USP34: variants seen among roughly 807,000 people sequenced by gnomAD.
The protein encoded by USP34 is ubiquitin specific peptidase 34.
USP34 carries 70 observed loss-of-function variants against 460.3 expected under a neutral mutation model. The ratio of observed to expected loss-of-function variants is 0.15; its 90% CI spans 0.13 to 0.19. The LOEUF is 0.19. Among genes scored for constraint, USP34 ranks in the 10% least tolerant of loss-of-function variants. The probability of loss-of-function intolerance (pLI) is 1.00; values close to 1 mark genes in which losing one functional copy is unlikely to be tolerated. For missense variants in USP34, 3,985 were observed against 4,236.2 expected (o/e 0.94, Z 1.65); for synonymous variants, 1,647 against 1,405.3 (o/e 1.17, Z -3.85).
At chr2:61,354,793 G>A (rs143036080) in intron 10 of USP34, among the ~76,000 whole-genome samples, 38 of 152,348 alleles carry the variant, frequency 2.5e-4, no homozygotes, top group African/African-American at 8.9e-4. Context: ...TTGAGGAAAT[G>A]TGAGGCTGGG....
At chr2:61,332,797 C>T (rs960227826) in intron 19 of USP34, among the ~76,000 whole-genome samples, 1 of 151,814 alleles carries the variant, frequency 6.6e-6, no homozygotes, top group Non-Finnish European at 1.5e-5. Flanking sequence ...GTAGTATTAA[C>T]CAAAGAAAGA....
chr2:61,354,073 A>G (rs540112184), intron 10 of USP34, among the ~76,000 whole-genome samples: 4 of 152,344 alleles, frequency 2.6e-5, no homozygotes, highest in South Asian at 4.1e-4. Flanking sequence ...GAATGCAAAG[A>G]AAAATGGAAA....
chr2:61,277,041 T>C (rs557749694), intron 41 of USP34, among the ~76,000 whole-genome samples: 1 of 152,214 alleles, frequency 6.6e-6, no homozygotes, highest in Non-Finnish European at 1.5e-5. Flanking sequence ...AAATGAGACA[T>C]TTGTTGGTTC....
At chr2:61,207,745 C>A (rs565596991) in intron 70 of USP34, 3 of 152,262 alleles carry the variant, frequency 2.0e-5, no homozygotes, top group African/African-American at 7.2e-5. Flanking sequence ...GAATGAAATT[C>A]TTACTACTCC....
chr2:61,261,848 T>C (rs1490933516), intron 43 of USP34, among the ~76,000 whole-genome samples: 1 of 151,948 alleles, frequency 6.6e-6, no homozygotes, highest in East Asian at 1.9e-4. Flanking sequence ...CTTACATCTG[T>C]AATCCCAGCA....
At chr2:61,189,996 A>G in intron 78 of USP34, 1 of 309,052 alleles carries the variant, frequency 3.2e-6, no homozygotes, top group Non-Finnish European at 5.8e-6. Flanking sequence ...TATTGTTTCC[A>G]AAAATATACC....
intron 23 of USP34, among the ~76,000 whole-genome samples, chr2:61,315,913 T>A (rs1404596452): frequency 6.6e-6 from 1 of 151,962 alleles, no homozygotes; most frequent in Admixed American, 6.6e-5. Flanking sequence ...AAAATTATCA[T>A]AGTGGGCCGT....
intron 1 of USP34, among the ~76,000 whole-genome samples, chr2:61,433,642 T>C (rs951747367): frequency 1.3e-5 from 2 of 151,870 alleles, no homozygotes; most frequent in East Asian, 1.9e-4. Flanking sequence ...TCAAAAACTA[T>C]AAATAAAATA....
rs768739686 is a variant in USP34 at position 61,188,258 on chromosome 2, G to A, written c.10485C>T (p.Asp3495=). 5.0e-6 allele frequency: 8 copies of A among 1,613,964 alleles called. No homozygotes were observed. In the African/African-American group the frequency reaches 1.1e-4, roughly 22 times the overall value. ...SCDGQALPSQ[D]PEVALSLSCG... Reference sequence around the variant, plus strand: ...AACTGAGAGATAAAGCAACCTCAGGGTCCTGGGAGGGCAAAGCTTGGCCAT... The same window carrying A: ...AACTGAGAGATAAAGCAACCTCAGGATCCTGGGAGGGCAAAGCTTGGCCAT... The change falls in exon 80 of 80, where the codon GAC becomes GAT. Residue 3495 remains aspartate (D), a synonymous_variant. Coordinates refer to ENST00000398571, the MANE Select transcript of USP34 (RefSeq NM_014709.4).
intron 10 of USP34, among the ~76,000 whole-genome samples, chr2:61,366,050 T>C (rs1037220764): frequency 6.6e-6 from 1 of 152,114 alleles, no homozygotes; most frequent in Non-Finnish European, 1.5e-5. Context: ...CTCAGCCTCC[T>C]GAGTAGCTGG....
chr2:61,204,583 A>T lies in USP34; in HGVS notation c.9173T>A (p.Val3058Glu). The change falls in exon 73 of 80, where the codon GTA becomes GAA. Residue 3058 changes from valine to glutamate, a missense_variant. Around this residue, in one of 14 missense-constraint regions of USP34, gnomAD observed 275 missense variants for 292.7 expected, o/e 0.94. Coordinates refer to ENST00000398571, the MANE Select transcript of USP34 (RefSeq NM_014709.4). ...NACIDVLKELVLLSPHDFLHT... is the reference protein window; with the variant it reads ...NACIDVLKELELLSPHDFLHT... ...AAGAAAATCATGGGGACTCAAAAGT[A>T]CAAGTTCCTTGAGGACATCTGAAAA... 1 of 1,613,942 alleles carries T rather than the reference A, an allele frequency of 6.2e-7. No homozygotes were observed.
chr2:61,445,198 A>G (rs1428568964), intron 1 of USP34, among the ~76,000 whole-genome samples: 3 of 150,016 alleles, frequency 2.0e-5, no homozygotes, highest in Non-Finnish European at 3.0e-5. Flanking sequence ...CTAAGAGAAA[A>G]AACTGTCAAC....
rs1447465089 is a variant in USP34, at chr2:61,470,754, G to T, written c.-62C>A. 99 of 1,466,176 alleles carry T rather than the reference G, an allele frequency of 6.8e-5. No individual in the cohort carries two copies. In the South Asian group the frequency reaches 7.3e-4, roughly 11 times the overall value. The allele number at this position is 1,466,176 out of a possible 1,614,324, so 90.8% of individuals were successfully genotyped here. A position where few individuals can be genotyped will look rare whatever the true frequency, so the allele number is the denominator to read the frequency against. ...TCACACTGACTGATCCCGACCGGCG[G>T]GGGGGAGGGGAGAGAGGCGGAGGAG... On this transcript the variant is annotated 5_prime_UTR_variant, in exon 1 of 80. Transcript: ENST00000398571.
chr2:61,365,944 CTATTTATT>C (rs70963417), intron 10 of USP34, among the ~76,000 whole-genome samples: 3 of 150,302 alleles, frequency 2.0e-5, no homozygotes, highest in African/African-American at 4.9e-5. Context: ...CTGGGAACAC[CTATTTATT>C]TATTTATTTA....
At chr2:61,278,018 CT>C in intron 41 of USP34, 146 bp downstream of exon 41, 1 of 1,049,660 alleles carries the variant, frequency 9.5e-7, no homozygotes, top group South Asian at 1.9e-5. Context: ...ACATGGAACT[CT>C]GAGTCGAATT....
In USP34 at chr2:61,194,324, C is replaced by T. The variant is rs557461793; in HGVS notation, c.9509-1344G>A. The T allele has an allele frequency of 3.0e-6, 3 of 984,064 alleles. No individual in the cohort carries two copies. In the African/African-American group the frequency reaches 5.2e-5, roughly 17 times the overall value. 61.0% of individuals were successfully genotyped at this position (984,064 alleles called of 1,614,324 possible). On this transcript the variant is annotated intron_variant, in intron 75 of 79. Transcript: ENST00000398571. ...ATACCCACCACGGTATCACCACACACATAGGTAAACAAGGACATGTCATCA... is the reference window on the plus strand; with the variant it reads ...ATACCCACCACGGTATCACCACACATATAGGTAAACAAGGACATGTCATCA...
chr2:61,398,840 G>C (rs1693623814), intron 3 of USP34, among the ~76,000 whole-genome samples: 1 of 152,152 alleles, frequency 6.6e-6, no homozygotes, highest in African/African-American at 2.4e-5. Flanking sequence ...GAGAAATGAA[G>C]TCTCAAAGTA....
intron 25 of USP34, among the ~76,000 whole-genome samples, chr2:61,312,719 G>A (rs980855244): frequency 8.3e-4 from 126 of 152,198 alleles, no homozygotes; most frequent in African/African-American, 2.8e-3. Flanking sequence ...ATAATTTGTT[G>A]TTATCAGAAG....
intron 75 of USP34, among the ~76,000 whole-genome samples, chr2:61,195,570 G>C (rs1432314615): frequency 6.6e-6 from 1 of 151,958 alleles, no homozygotes; most frequent in Non-Finnish European, 1.5e-5. Flanking sequence ...TACTCAGGAG[G>C]CTGAGGCAGG....
Sources: allele counts gnomAD v4.1 joint callset (sites outside exome capture counted in the v4.1 genomes callset), GRCh38; gene constraint gnomAD v4.1.1; regional missense constraint gnomAD v4.1.1; transcripts MANE v1.5; gene names NCBI Gene and HGNC (gene_info 2026-07-23, HGNC 2026-07-21).